The following CPEB2 variants were observed in gnomAD, a reference collection of about 807,000 sequenced individuals.
The protein encoded by CPEB2 is cytoplasmic polyadenylation element binding protein 2.
Under a neutral mutation model 93.6 loss-of-function variants are expected in CPEB2, and 56 were observed. That is an observed-to-expected ratio of 0.60 (90% CI 0.48 to 0.75). The LOEUF is 0.75. CPEB2 is among the 30% of genes least tolerant of loss of function. The pLI, the probability that CPEB2 is intolerant of heterozygous loss-of-function variation, is 0.00. For synonymous variants in CPEB2, 764 were observed against 586.3 expected, an observed-to-expected ratio of 1.30 and a Z score of -4.38; for missense variants, 1,579 against 1,395.1, an observed-to-expected ratio of 1.13 and a Z score of -2.10.
intron 3 of CPEB2, among the ~76,000 whole-genome samples, chr4:15,009,046 A>G (rs1161848599): frequency 1.3e-5 from 2 of 152,212 alleles, no homozygotes; most frequent in Non-Finnish European, 2.9e-5. Flanking sequence ...TTTGGTGGTT[A>G]CAAAATGCTA....
At chr4:15,007,261 A>G (rs767625408) in intron 1 of CPEB2, 44 bp from the exon 2 acceptor site, 5 of 1,394,088 alleles carry the variant, frequency 3.6e-6, no homozygotes, top group Non-Finnish European at 4.7e-6. Context: ...TTTGAATTGT[A>G]AATTCTTTAA....
At chr4:15,044,878 C>CT (rs955982056) in intron 6 of CPEB2, among the ~76,000 whole-genome samples, 2 of 152,150 alleles carry the variant, frequency 1.3e-5, no homozygotes, top group Non-Finnish European at 2.9e-5. Context: ...AGCCATTATT[C>CT]TCGTTTTGCT....
chr4:15,004,183 G>C lies in CPEB2; in HGVS notation c.1510G>C (p.Ala504Pro). Residue 504 changes from alanine to proline, a missense_variant, in exon 1 of 12, where the codon GCC (alanine) becomes CCC (proline). Physicochemically the swap from Ala to Pro is conservative, Grantham distance 27. Coordinates refer to ENST00000538197, the MANE Select transcript of CPEB2 (RefSeq NM_001177382.2). ...CGCTGTGCCCCCTCCGCCGCCGCCCGCCATGAATATACCTCAACAGCAGCC... is the reference window on the plus strand; with the variant it reads ...CGCTGTGCCCCCTCCGCCGCCGCCCCCCATGAATATACCTCAACAGCAGCC... ...ATAVPPPPPPAMNIPQQQPPP... is the reference protein window; with the variant it reads ...ATAVPPPPPPPMNIPQQQPPP... 1 of 1,220,630 alleles carries C rather than the reference G, an allele frequency of 8.2e-7. No individual in the cohort carries two copies. The highest frequency in any genetic ancestry group is 9.1e-5 in the East Asian group (1 of 10,972). The allele number at this position is 1,220,630 out of a possible 1,614,324, so 75.6% of individuals were successfully genotyped here.
intron 6 of CPEB2, among the ~76,000 whole-genome samples, chr4:15,050,599 A>T (rs1728136108): frequency 6.6e-6 from 1 of 152,192 alleles, no homozygotes; most frequent in African/African-American, 2.4e-5. Flanking sequence ...ACCTTCACAG[A>T]TCATGTATGT....
intron 4 of CPEB2, among the ~76,000 whole-genome samples, chr4:15,031,826 C>G (rs2109026345): frequency 6.6e-6 from 1 of 152,244 alleles, no homozygotes; most frequent in South Asian, 2.1e-4. Flanking sequence ...GATGATCAAA[C>G]TCTTTAATTT....
At chr4:15,045,532 A>G (rs1231654137) in intron 6 of CPEB2, among the ~76,000 whole-genome samples, 1 of 152,152 alleles carries the variant, frequency 6.6e-6, no homozygotes, top group Non-Finnish European at 1.5e-5. Flanking sequence ...CTTTCATAAC[A>G]ATGCAGAGAA....
intron 8 of CPEB2, 100 bp from the exon 9 acceptor site, chr4:15,058,321 G>GT (rs563776694): frequency 0.084 from 44,722 of 529,360 alleles, no homozygotes; most frequent in East Asian, 0.1. Context: ...TTGATAGTTT[G>GT]TTTTTTTTTT....
intron 5 of CPEB2, 39 bp from the exon 6 acceptor site, chr4:15,040,424 AG>A (rs112866251): frequency 1.3e-6 from 2 of 1,529,494 alleles, no homozygotes; most frequent in African/African-American, 1.4e-5. Flanking sequence ...GCTTATTTTT[AG>A]TTCTGACATT....
At chr4:15,007,989 A>G (rs1317070681) in intron 2 of CPEB2, among the ~76,000 whole-genome samples, 2 of 152,194 alleles carry the variant, frequency 1.3e-5, no homozygotes, top group Non-Finnish European at 2.9e-5. Flanking sequence ...GGCTGTATAT[A>G]TATTAGAATA....
intron 5 of CPEB2, among the ~76,000 whole-genome samples, chr4:15,037,745 T>G (rs533959807): frequency 6.6e-6 from 1 of 152,204 alleles, no homozygotes; most frequent in Non-Finnish European, 1.5e-5. Context: ...GTATGTTAAA[T>G]AGCTCCTCAT....
intron 4 of CPEB2, among the ~76,000 whole-genome samples, chr4:15,032,065 A>AT (rs1248296617): frequency 2.0e-5 from 3 of 152,208 alleles, no homozygotes; most frequent in Non-Finnish European, 4.4e-5. Flanking sequence ...CAGACATTTA[A>AT]TTTTTAGACA....
chr4:15,039,041 G>C (rs145701014), intron 5 of CPEB2, among the ~76,000 whole-genome samples: 1 of 152,332 alleles, frequency 6.6e-6, no homozygotes, highest in East Asian at 1.9e-4. Flanking sequence ...TATCTGAGGA[G>C]AGGAGAAATA....
At chr4:15,044,822 C>G (rs191012631) in intron 6 of CPEB2, among the ~76,000 whole-genome samples, 8 of 152,154 alleles carry the variant, frequency 5.3e-5, no homozygotes, top group South Asian at 2.1e-4. Context: ...GGATGTGTGC[C>G]GCACATACAC....
intron 8 of CPEB2, among the ~76,000 whole-genome samples, chr4:15,054,667 C>T (rs1728550806): frequency 6.6e-6 from 1 of 151,736 alleles, no homozygotes; most frequent in South Asian, 2.1e-4. Flanking sequence ...TTATGTTAGT[C>T]AGTTATTGCT....
chr4:15,011,477 A>G (rs1355998434), intron 3 of CPEB2, among the ~76,000 whole-genome samples: 1 of 152,110 alleles, frequency 6.6e-6, no homozygotes, highest in South Asian at 2.1e-4. Context: ...CCTTGCGAGA[A>G]TCGTACTCAA....
Position 15,003,870 on chromosome 4 carries a change from G to C in CPEB2, c.1197G>C (p.Pro399=). 1 of 846,242 alleles carries C rather than the reference G, an allele frequency of 1.2e-6. No individual in the cohort carries two copies. The highest frequency in any genetic ancestry group is 1.9e-5 in the African/African-American group (1 of 53,872). The allele number at this position is 846,242 out of a possible 1,614,324, so 52.4% of individuals were successfully genotyped here. A position where few individuals can be genotyped will look rare whatever the true frequency, so the allele number is the denominator to read the frequency against. Residue 399 remains proline, a synonymous_variant, in exon 1 of 12, where the codon CCG becomes CCC. Coordinates refer to ENST00000538197, the MANE Select transcript of CPEB2 (RefSeq NM_001177382.2). ...SPPPQPQQPP[P]TQPQQQPPPP... Reference sequence around the variant, plus strand: ...CACCCCAGCCCCAGCAGCCGCCGCCGACCCAGCCGCAGCAGCAGCCGCCGC... The same window carrying C: ...CACCCCAGCCCCAGCAGCCGCCGCCCACCCAGCCGCAGCAGCAGCCGCCGC...
chr4:15,063,341 T>C (rs541447021), intron 11 of CPEB2, among the ~76,000 whole-genome samples: 208 of 150,436 alleles, frequency 1.4e-3, no homozygotes, highest in African/African-American at 4.9e-3. Flanking sequence ...TTTTTTTGTT[T>C]GTTTGCATTG....
intron 6 of CPEB2, among the ~76,000 whole-genome samples, chr4:15,046,640 C>G (rs1262135857): frequency 1.3e-5 from 2 of 152,172 alleles, no homozygotes; most frequent in Admixed American, 1.3e-4. Context: ...TCATGTGCTT[C>G]TAACCCATTC....
At position 15,003,979 on chromosome 4, in the gene CPEB2, A is replaced by G. The variant is rs753343052; in HGVS notation, c.1306A>G (p.Ser436Gly). The change falls in exon 1 of 12, where the codon AGC (serine) becomes GGC (glycine). Residue 436 changes from serine (S) to glycine (G), a missense_variant. By Grantham distance (56) the Ser-to-Gly change is moderately conservative (BLOSUM62 0). This residue lies in a region of CPEB2 where 1,411 missense variants were observed against 1,056.0 expected (regional missense o/e 1.34). Coordinates refer to ENST00000538197, the MANE Select transcript of CPEB2 (RefSeq NM_001177382.2). ...GGGCGGCGGCAGCGGCGGCTCGCTC[A>G]GCGCCATGCCGCCGCCCAGCCCCGA... ...TPGGGSGGSL[S>G]AMPPPSPDSE... is the part of the protein sequence containing the mutation. The G allele has an allele frequency of 6.2e-6, 9 of 1,443,722 alleles. No individual in the cohort carries two copies. The highest frequency in any genetic ancestry group is 8.2e-6 in the Non-Finnish European group (9 of 1,094,246). 89.4% of individuals were successfully genotyped at this position (1,443,722 alleles called of 1,614,324 possible).
Sources: gnomAD v4.1 joint callset for allele counts (sites outside exome capture counted in the v4.1 genomes callset) on GRCh38, gnomAD v4.1.1 for gene constraint, gnomAD v4.1.1 regional missense constraint, MANE v1.5 for transcripts, NCBI Gene and HGNC (gene_info 2026-07-23, HGNC 2026-07-21) for gene names.